RAB28: variants seen among roughly 807,000 people sequenced by gnomAD.
RAB28 encodes the protein ras-related protein Rab-28.
In RAB28, 24 loss-of-function variants were observed where a neutral mutation model predicts 31.7. The observed-to-expected ratio is 0.76, with a 90% CI of 0.55 to 1.06. The LOEUF (loss-of-function observed/expected upper bound fraction) is 1.06, where lower values mean the gene tolerates loss of function less well. Ranked by LOEUF, RAB28 falls within the 50% of genes least tolerant of loss-of-function variation. RAB28 has a pLI of 0.00. For synonymous variants in RAB28, 100 were observed against 90.4 expected, an observed-to-expected ratio of 1.11 and a Z score of -0.60; for missense variants, 254 against 258.5, an observed-to-expected ratio of 0.98 and a Z score of 0.12.
At chr4:13,455,746 G>T (rs1346756055) in intron 4 of RAB28, among the ~76,000 whole-genome samples, 2 of 152,202 alleles carry the variant, frequency 1.3e-5, no homozygotes, top group Non-Finnish European at 2.9e-5. Flanking sequence ...CCTGCAGTAA[G>T]GAATGTAGAT....
At chr4:13,476,762 T>C (rs1187249420) in intron 2 of RAB28, among the ~76,000 whole-genome samples, 4 of 151,550 alleles carry the variant, frequency 2.6e-5, no homozygotes, top group East Asian at 1.9e-4. Context: ...ATATATCTAA[T>C]ACAAATTTCT....
intron 4 of RAB28, among the ~76,000 whole-genome samples, chr4:13,405,426 A>G (rs1712021149): frequency 6.6e-6 from 1 of 152,194 alleles, no homozygotes; most frequent in Admixed American, 6.5e-5. Flanking sequence ...GAAACTAAAG[A>G]TAATATACTT....
intron 4 of RAB28, among the ~76,000 whole-genome samples, chr4:13,443,536 T>C (rs1212121792): frequency 2.0e-5 from 3 of 152,204 alleles, no homozygotes; most frequent in African/African-American, 4.8e-5. Flanking sequence ...TGCTTATTTT[T>C]TCCTCAGCTT....
chr4:13,473,572 C>G (rs983944246), intron 3 of RAB28, among the ~76,000 whole-genome samples: 1 of 151,786 alleles, frequency 6.6e-6, no homozygotes, highest in Non-Finnish European at 1.5e-5. Context: ...CAATTCTTCA[C>G]TGAACATGCT....
intron 4 of RAB28, among the ~76,000 whole-genome samples, chr4:13,453,500 G>C (rs537096835): frequency 1.3e-5 from 2 of 152,072 alleles, no homozygotes; most frequent in African/African-American, 4.8e-5. Context: ...ACTTCCAGAT[G>C]TAAGAGTACC....
At chr4:13,436,065 T>C (rs1714085317) in intron 4 of RAB28, among the ~76,000 whole-genome samples, 1 of 152,142 alleles carries the variant, frequency 6.6e-6, no homozygotes, top group Non-Finnish European at 1.5e-5. Context: ...TACAAATCAA[T>C]AAATGTGATT....
chr4:13,376,766 T>C (rs1349859389), intron 5 of RAB28, 144 bp from the exon 6 acceptor site: 2 of 484,342 alleles, frequency 4.1e-6, no homozygotes, highest in Non-Finnish European at 3.7e-6. Flanking sequence ...GCTTTATTTG[T>C]CAAATGTAGC....
At chr4:13,417,554 G>A (rs544161686) in intron 4 of RAB28, among the ~76,000 whole-genome samples, 1 of 152,158 alleles carries the variant, frequency 6.6e-6, no homozygotes, top group African/African-American at 2.4e-5. Context: ...GGAAGGATCA[G>A]GCAGCAATAT....
At chr4:13,469,953 A>G (rs1046141087) in intron 3 of RAB28, among the ~76,000 whole-genome samples, 6 of 152,042 alleles carry the variant, frequency 3.9e-5, no homozygotes, top group Admixed American at 3.9e-4. Context: ...GGCCCTCTAA[A>G]GCACTGGGAT....
intron 2 of RAB28, among the ~76,000 whole-genome samples, chr4:13,476,651 G>T (rs565155404): frequency 1.3e-5 from 2 of 151,298 alleles, no homozygotes; most frequent in South Asian, 4.2e-4. Context: ...CATTTTTGCA[G>T]GCATAAACAT....
chr4:13,393,832 T>C (rs985832737), intron 4 of RAB28, among the ~76,000 whole-genome samples: 18 of 124,232 alleles, frequency 1.4e-4, no homozygotes, highest in South Asian at 2.4e-4. Flanking sequence ...AGATTAACTG[T>C]AGAGCTATAA....
chr4:13,371,719 G>A (rs766711659), intron 6 of RAB28: 428 of 1,534,228 alleles, frequency 2.8e-4, no homozygotes, highest in Non-Finnish European at 3.4e-4. Context: ...CATGGTAGGT[G>A]GTTTCACTGT....
Position 13,367,750 on chromosome 4 carries a change from G to C in RAB28, c.*808C>G. 5.1e-6 allele frequency: 5 copies of C among 984,576 alleles called. No homozygotes were observed. Among genetic ancestry groups the C allele is most frequent in the Non-Finnish European group, 6.0e-6 (5 of 829,252 alleles). 61.0% of individuals were successfully genotyped at this position (984,576 alleles called of 1,614,324 possible). ...AATTTAAATAAGTTTATTTGTGAAA[G>C]AAAAACATCTGAACATCAGGTACAG... On this transcript the variant is annotated 3_prime_UTR_variant, in exon 7 of 7. Transcript: ENST00000330852.
At chr4:13,481,023 A>G (rs1165637839) in intron 1 of RAB28, among the ~76,000 whole-genome samples, 1 of 152,020 alleles carries the variant, frequency 6.6e-6, no homozygotes, top group East Asian at 1.9e-4. Context: ...GATGGTTGAA[A>G]TACTTAAAGG....
chr4:13,396,492 T>C (rs1386252375), intron 4 of RAB28, among the ~76,000 whole-genome samples: 2 of 152,052 alleles, frequency 1.3e-5, no homozygotes, highest in Non-Finnish European at 2.9e-5. Flanking sequence ...TCATGCCATA[T>C]TAGAAGAATT....
chr4:13,420,558 C>T (rs1713071622), intron 4 of RAB28, among the ~76,000 whole-genome samples: 1 of 152,242 alleles, frequency 6.6e-6, no homozygotes, highest in Non-Finnish European at 1.5e-5. Context: ...GCTTATCCAC[C>T]AAGATCAAGT....
intron 4 of RAB28, among the ~76,000 whole-genome samples, chr4:13,407,734 T>A (rs968084888): frequency 6.6e-6 from 1 of 152,224 alleles, no homozygotes; most frequent in Non-Finnish European, 1.5e-5. Flanking sequence ...TCTTTGTAAG[T>A]TGTATTCCTA....
intron 1 of RAB28, among the ~76,000 whole-genome samples, chr4:13,482,300 C>T (rs571348243): frequency 1.3e-5 from 2 of 152,092 alleles, no homozygotes; most frequent in African/African-American, 2.4e-5. Context: ...AAAACTCAGA[C>T]GCAAAATTAT....
Position 13,408,833 on chromosome 4 carries a change from C to A in RAB28, c.392-27239G>T, listed in dbSNP as rs1244612377. On this transcript the variant is annotated intron_variant, in intron 4 of 6. Transcript: ENST00000330852. ...ATTACAAAATAATTAAAGAATAATTCCCACTCCATCAGTGTTTTAGAACAC... is the reference window on the plus strand; with the variant it reads ...ATTACAAAATAATTAAAGAATAATTACCACTCCATCAGTGTTTTAGAACAC... Among the ~76,000 whole-genome samples, 3 of 152,104 alleles carry A rather than the reference C, an allele frequency of 2.0e-5. No homozygotes were observed. The East Asian group carries it at 5.8e-4, about 29-fold the overall frequency.
Sources: gnomAD v4.1 joint callset for allele counts (sites outside exome capture counted in the v4.1 genomes callset) on GRCh38, gnomAD v4.1.1 for gene constraint, MANE v1.5 for transcripts, NCBI Gene and HGNC (gene_info 2026-07-23, HGNC 2026-07-21) for gene names.